The following MAP3K2 variants were observed in gnomAD, a reference collection of about 807,000 sequenced individuals.
MAP3K2 encodes MAP/ERK kinase kinase 2.
MAP3K2 carries 24 observed loss-of-function variants against 80.3 expected under a neutral mutation model. The observed-to-expected ratio is 0.30, with a 90% CI of 0.22 to 0.42. The LOEUF is 0.42. MAP3K2 is among the 10% of genes least tolerant of loss of function. MAP3K2 has a pLI of 1.00. For synonymous variants in MAP3K2, 244 were observed against 253.7 expected (o/e 0.96, Z 0.36); for missense variants, 608 against 750.1 (o/e 0.81, Z 2.21).
chr2:127,337,880 C>T, intron 3 of MAP3K2, 102 bp from the exon 4 acceptor site: 1 of 680,302 alleles, frequency 1.5e-6, no homozygotes, highest in South Asian at 2.2e-5. Flanking sequence ...TTTAGCCATT[C>T]ATTTAAAATA....
At chr2:127,346,942 T>A (rs2104854739) in intron 1 of MAP3K2, among the ~76,000 whole-genome samples, 1 of 151,968 alleles carries the variant, frequency 6.6e-6, no homozygotes, top group South Asian at 2.1e-4. Flanking sequence ...TGAGCAGAGA[T>A]CATGCTGCAC....
chr2:127,308,623 G>T lies in MAP3K2; in HGVS notation c.1596C>A (p.Val532=), dbSNP rs772185646. The change falls in exon 16 of 17, where the codon GTC becomes GTA. Residue 532 remains valine, a synonymous_variant. Coordinates refer to ENST00000682094, the MANE Select transcript of MAP3K2 (RefSeq NM_001371910.2). ...TTCTTCCATAGCCTTCTCCACTGATGACTTCAGGGCTCATCCAGTATGGTG... is the reference window on the plus strand; with the variant it reads ...TTCTTCCATAGCCTTCTCCACTGATTACTTCAGGGCTCATCCAGTATGGTG... ...TGTPYWMSPE[V]ISGEGYGRKA... 1.9e-6 allele frequency: 3 copies of T among 1,592,534 alleles called. No homozygotes were observed. The highest frequency in any genetic ancestry group is 2.6e-6 in the Non-Finnish European group (3 of 1,165,600).
chr2:127,326,655 A>T, intron 8 of MAP3K2, 32 bp downstream of exon 8: 2 of 1,485,210 alleles, frequency 1.3e-6, no homozygotes, highest in East Asian at 2.5e-5. Context: ...CATCTCTTTA[A>T]ATTAAATTTA....
Position 127,314,741 on chromosome 2 carries a change from C to T in MAP3K2, c.1456+13G>A, listed in dbSNP as rs1274412422. 3 of 1,589,062 alleles carry T rather than the reference C, an allele frequency of 1.9e-6. No individual in the cohort carries two copies. In the Admixed American group the frequency reaches 5.3e-5, roughly 28 times the overall value. The stretch of plus-strand genomic sequence containing the variant: ...AACTGTGTACTTAAAATAGAAAATA[C>T]CTCATTACTTACCTTTGATATCTCT... On this transcript the variant is annotated intron_variant, in intron 15 of 16. Transcript: ENST00000682094.
chr2:127,359,762 T>C (rs763257948), intron 1 of MAP3K2, among the ~76,000 whole-genome samples: 6 of 152,110 alleles, frequency 3.9e-5, no homozygotes, highest in Non-Finnish European at 8.8e-5. Context: ...ACCTCCCCCG[T>C]CTCTCTCTTC....
At chr2:127,385,541 C>G (rs1381448505) in intron 1 of MAP3K2, among the ~76,000 whole-genome samples, 2 of 152,100 alleles carry the variant, frequency 1.3e-5, no homozygotes, top group Non-Finnish European at 1.5e-5. Context: ...GAACCAAAGC[C>G]ACAATCTCTC....
intron 1 of MAP3K2, among the ~76,000 whole-genome samples, chr2:127,361,614 T>A (rs971109629): frequency 6.6e-6 from 1 of 152,222 alleles, no homozygotes; most frequent in African/African-American, 2.4e-5. Context: ...GTGGTCCTAG[T>A]AATTATCACA....
intron 7 of MAP3K2, among the ~76,000 whole-genome samples, chr2:127,328,256 C>T (rs558087068): frequency 2.6e-5 from 4 of 152,112 alleles, no homozygotes; most frequent in East Asian, 1.9e-4. Flanking sequence ...GCCTGGGTGA[C>T]GGAGTGAGAC....
chr2:127,341,317 GA>G (rs1373080441), intron 2 of MAP3K2, among the ~76,000 whole-genome samples: 10 of 148,732 alleles, frequency 6.7e-5, no homozygotes, highest in Non-Finnish European at 1.2e-4. Context: ...AATGAGAACG[GA>G]AAAAAAAATA....
At chr2:127,365,267 G>T (rs1230080208) in intron 1 of MAP3K2, among the ~76,000 whole-genome samples, 1 of 151,808 alleles carries the variant, frequency 6.6e-6, no homozygotes, top group African/African-American at 2.4e-5. Context: ...CACAGAGGAG[G>T]AAGTGGGCTT....
At chr2:127,308,375 T>G (rs1200379529) in intron 16 of MAP3K2, among the ~76,000 whole-genome samples, 1 of 152,238 alleles carries the variant, frequency 6.6e-6, no homozygotes, top group African/African-American at 2.4e-5. Context: ...AAATCCTTCC[T>G]AAAGAATGGA....
At chr2:127,342,618 T>C (rs1373652371) in intron 2 of MAP3K2, among the ~76,000 whole-genome samples, 1 of 152,128 alleles carries the variant, frequency 6.6e-6, no homozygotes, top group Admixed American at 6.6e-5. Flanking sequence ...GTCTAACTAA[T>C]TCCCTGCCTC....
At chr2:127,309,976 G>C (rs1685779880) in intron 15 of MAP3K2, among the ~76,000 whole-genome samples, 1 of 152,130 alleles carries the variant, frequency 6.6e-6, no homozygotes, top group Non-Finnish European at 1.5e-5. Flanking sequence ...AAAGAGTTAT[G>C]CTCCAGGCTG....
intron 1 of MAP3K2, among the ~76,000 whole-genome samples, chr2:127,349,429 G>C (rs1686654619): frequency 1.3e-5 from 2 of 152,076 alleles, no homozygotes; most frequent in Admixed American, 1.3e-4. Flanking sequence ...GCCTCTCAAA[G>C]TGTTGGGATT....
chr2:127,319,240 A>G (rs2104817237), intron 12 of MAP3K2, among the ~76,000 whole-genome samples: 1 of 151,814 alleles, frequency 6.6e-6, no homozygotes, highest in Admixed American at 6.5e-5. Context: ...CAAAAGAAAA[A>G]AAAAAAAAAA....
chr2:127,366,084 C>T (rs1686965786), intron 1 of MAP3K2, among the ~76,000 whole-genome samples: 1 of 152,184 alleles, frequency 6.6e-6, no homozygotes, highest in Non-Finnish European at 1.5e-5. Context: ...TCTGCACTGT[C>T]CTCCTTTGCT....
chr2:127,387,689 C>T lies in MAP3K2; in HGVS notation c.-303G>A, dbSNP rs1174218625. 1.0e-5 allele frequency: 10 copies of T among 985,158 alleles called. No individual in the cohort carries two copies. Among genetic ancestry groups the T allele is most frequent in the Admixed American group, 6.2e-5 (1 of 16,256 alleles). The allele number at this position is 985,158 out of a possible 1,614,324, so 61.0% of individuals were successfully genotyped here. A position where few individuals can be genotyped will look rare whatever the true frequency, so the allele number is the denominator to read the frequency against. On this transcript the variant is annotated 5_prime_UTR_variant, in exon 1 of 17. Coordinates refer to ENST00000682094, the MANE Select transcript of MAP3K2 (RefSeq NM_001371910.2). ...TGGCGGGCGCGTGAATCCTCGCAGC[C>T]GGCCGGGTCCTCCTGGCGCTCCTCG...
intron 1 of MAP3K2, among the ~76,000 whole-genome samples, chr2:127,384,371 T>C (rs114280743): frequency 0.014 from 2,089 of 152,184 alleles, 46 homozygotes; most frequent in African/African-American, 0.047. Flanking sequence ...TAGACAGTGA[T>C]CAGATTCTTC....
At position 127,302,249 on chromosome 2, in the gene MAP3K2, A is replaced by G. The variant is rs1396904326; in HGVS notation, c.*5330T>C. ...CCAAGAGTATGGCAATTTACAATCA[A>G]TATTATTATACAATCATTTGTACTA... On this transcript the variant is annotated 3_prime_UTR_variant, in exon 17 of 17. Transcript: ENST00000682094. 1 of 152,140 alleles carries G rather than the reference A, an allele frequency of 6.6e-6. No homozygotes were observed. The highest frequency in any genetic ancestry group is 2.4e-5 in the African/African-American group (1 of 41,432). 9.4% of individuals were successfully genotyped at this position (152,140 alleles called of 1,614,324 possible). A position where few individuals can be genotyped will look rare whatever the true frequency, so the allele number is the denominator to read the frequency against.
Sources: allele counts gnomAD v4.1 joint callset (sites outside exome capture counted in the v4.1 genomes callset), GRCh38; gene constraint gnomAD v4.1.1; transcripts MANE v1.5; gene names NCBI Gene and HGNC (gene_info 2026-07-23, HGNC 2026-07-21).